Variants in LRP1B observed in about 807,000 individuals in gnomAD.
LRP1B encodes the protein low-density lipoprotein receptor-related protein 1B.
LRP1B carries 217 observed loss-of-function variants against 556.6 expected under a neutral mutation model. The ratio of observed to expected loss-of-function variants is 0.39; its 90% CI spans 0.35 to 0.44. LRP1B has a LOEUF of 0.44. Among genes scored for constraint, LRP1B ranks in the 20% least tolerant of loss-of-function variants. The pLI is 1.00. For missense variants in LRP1B, 5,053 were observed against 5,620.8 expected (o/e 0.90, Z 3.23); for synonymous variants, 2,047 against 1,865.8 (o/e 1.10, Z -2.50).
chr2:140,441,980 TAA>T (rs1686447674), intron 66 of LRP1B, among the ~76,000 whole-genome samples: 2 of 152,330 alleles, frequency 1.3e-5, no homozygotes, highest in Non-Finnish European at 2.9e-5. Flanking sequence ...AAAATTATTT[TAA>T]GTGAAAATAT....
At chr2:140,622,466 A>G (rs74852519) in intron 41 of LRP1B, among the ~76,000 whole-genome samples, 3 of 152,210 alleles carry the variant, frequency 2.0e-5, no homozygotes, top group Non-Finnish European at 4.4e-5. Flanking sequence ...TGGAGACCAG[A>G]TTGCTTCCTG....
chr2:140,271,090 TAAAC>T (rs1682438158), intron 85 of LRP1B, among the ~76,000 whole-genome samples: 1 of 151,914 alleles, frequency 6.6e-6, no homozygotes, highest in African/African-American at 2.4e-5. Flanking sequence ...ACTGTAAAAA[TAAAC>T]ATAACAATAC....
At chr2:141,055,812 G>GTA (rs1025747699) in intron 9 of LRP1B, among the ~76,000 whole-genome samples, 1 of 150,936 alleles carries the variant, frequency 6.6e-6, no homozygotes, top group Non-Finnish European at 1.5e-5. Flanking sequence ...ATGTGTGTGT[G>GTA]TGTGTGTGTG....
At chr2:140,854,003 C>T (rs557719323) in intron 27 of LRP1B, among the ~76,000 whole-genome samples, 31 of 145,130 alleles carry the variant, frequency 2.1e-4, no homozygotes, top group Non-Finnish European at 3.3e-4. Context: ...TATATCAAGT[C>T]AAGTTTACCT....
Position 140,683,842 on chromosome 2 carries a change from C to T in LRP1B, c.6799+16408G>A, listed in dbSNP as rs2105383339. ...CTTCCATGCGCTAGGCAGCAGCCGACCCCGAAACAGCTCCGCGGCCCCCTG... is the reference window on the plus strand; with the variant it reads ...CTTCCATGCGCTAGGCAGCAGCCGATCCCGAAACAGCTCCGCGGCCCCCTG... On this transcript the variant is annotated intron_variant, in intron 41 of 90. Transcript: ENST00000389484. 6.3e-6 allele frequency: 4 copies of T among 634,460 alleles called. No homozygotes were observed. The South Asian group carries it at 6.9e-5, about 11-fold the overall frequency. The allele number at this position is 634,460 out of a possible 1,614,324, so 39.3% of individuals were successfully genotyped here.
chr2:141,125,844 C>A (rs372160759), intron 7 of LRP1B, among the ~76,000 whole-genome samples: 1,463 of 101,566 alleles, frequency 0.014, no homozygotes, highest in Middle Eastern at 0.031. Flanking sequence ...CTTTCAAATG[C>A]AAAAAAAAAA....
intron 21 of LRP1B, among the ~76,000 whole-genome samples, chr2:140,909,710 G>A (rs766615596): frequency 2.7e-4 from 41 of 150,892 alleles, no homozygotes; most frequent in African/African-American, 5.1e-4. Context: ...GTCATTACAC[G>A]TTGTTAATAT....
chr2:142,025,595 C>A (rs543857970), intron 1 of LRP1B, among the ~76,000 whole-genome samples: 7 of 152,124 alleles, frequency 4.6e-5, no homozygotes, highest in African/African-American at 7.2e-5. Context: ...TTAACTCTGC[C>A]CAGAGGATCT....
chr2:141,917,332 A>C (rs961796360), intron 1 of LRP1B, among the ~76,000 whole-genome samples: 2 of 152,126 alleles, frequency 1.3e-5, no homozygotes, highest in African/African-American at 4.8e-5. Context: ...AATGCCCCCA[A>C]ACATGGATGT....
chr2:141,213,984 T>TA (rs2105259632), intron 6 of LRP1B, among the ~76,000 whole-genome samples: 2 of 152,328 alleles, frequency 1.3e-5, no homozygotes, highest in South Asian at 4.1e-4. Context: ...GTAAATACTA[T>TA]AAAAATAGTT....
intron 1 of LRP1B, among the ~76,000 whole-genome samples, chr2:142,004,110 T>A (rs1702736474): frequency 6.6e-6 from 1 of 152,102 alleles, no homozygotes; most frequent in South Asian, 2.1e-4. Context: ...TCAAATTTTG[T>A]CCCTCAGCAA....
Position 140,944,734 on chromosome 2 carries a change from C to T in LRP1B, c.3136+5501G>A, listed in dbSNP as rs1167203510. 3.9e-5 allele frequency among the ~76,000 whole-genome samples: 6 copies of T among 151,958 alleles called. No individual in the cohort carries two copies. In the East Asian group the frequency reaches 1.2e-3, roughly 29 times the overall value. On this transcript the variant is annotated intron_variant, in intron 20 of 90. Coordinates refer to ENST00000389484, the MANE Select transcript of LRP1B (RefSeq NM_018557.3). Reference sequence around the variant, plus strand: ...CATCCTTTCATGATAAAACCTTCAACATACTAAGCAACAAAGGAATATTTG... The same window carrying T: ...CATCCTTTCATGATAAAACCTTCAATATACTAAGCAACAAAGGAATATTTG...
intron 85 of LRP1B, among the ~76,000 whole-genome samples, chr2:140,273,498 T>G (rs1255347690): frequency 6.6e-6 from 1 of 152,034 alleles, no homozygotes; most frequent in Admixed American, 6.6e-5. Context: ...AATTCTAAAA[T>G]GAGAGTAAAT....
intron 32 of LRP1B, among the ~76,000 whole-genome samples, chr2:140,796,974 T>A (rs1345364779): frequency 6.6e-6 from 1 of 151,992 alleles, no homozygotes; most frequent in African/African-American, 2.4e-5. Flanking sequence ...TAGGACATTC[T>A]CACAAAAGTC....
In LRP1B at chr2:141,423,290, C is replaced by CTTTTTTTTTTTTT. The variant is rs1176569388; in HGVS notation, c.343+57093_343+57105dup. 4.4e-5 allele frequency among the ~76,000 whole-genome samples: 3 copies of CTTTTTTTTTTTTT among 68,376 alleles called. 1 individual carries two copies. The highest frequency in any genetic ancestry group is 5.9e-5 in the Non-Finnish European group (2 of 33,618). 44.9% of individuals were successfully genotyped at this position (68,376 alleles called of 152,430 possible). ...CCCTCTCACTAGGCAACAGCCAGAG[C>CTTTTTTTTTTTTT]TTTTTTTTTTTTTTTTTTTTTTTTT... On this transcript the variant is annotated intron_variant, in intron 3 of 90. Transcript: ENST00000389484.
At chr2:141,546,564 T>C (rs1302209075) in intron 2 of LRP1B, among the ~76,000 whole-genome samples, 2 of 152,172 alleles carry the variant, frequency 1.3e-5, no homozygotes, top group Admixed American at 1.3e-4. Context: ...TCAAACCAAA[T>C]TTATTCAGCC....
At position 140,749,304 on chromosome 2, in the gene LRP1B, A is replaced by G. The variant is rs531765255; in HGVS notation, c.5758+19909T>C. ...ACTTAGGCTACACTAAATTTATTAA[A>G]AAATCTTTCTTTCTTCAATAACAAA... On this transcript the variant is annotated intron_variant, in intron 35 of 90. Transcript: ENST00000389484. Among the ~76,000 whole-genome samples the G allele has an allele frequency of 2.0e-5, 3 of 152,256 alleles. No individual in the cohort carries two copies. The East Asian group carries it at 5.8e-4, about 29-fold the overall frequency.
intron 10 of LRP1B, among the ~76,000 whole-genome samples, chr2:141,051,762 G>C (rs1699042775): frequency 6.6e-6 from 1 of 151,916 alleles, no homozygotes; most frequent in Non-Finnish European, 1.5e-5. Flanking sequence ...TTGCATGTTT[G>C]AATTGCATGT....
At position 140,612,231 on chromosome 2, in the gene LRP1B, C is replaced by G. The variant is rs751277931; in HGVS notation, c.6800-10592G>C. Among the ~76,000 whole-genome samples the G allele has an allele frequency of 2.4e-4, 37 of 152,182 alleles. No homozygotes were observed. In the South Asian group the frequency reaches 3.3e-3, roughly 14 times the overall value. On this transcript the variant is annotated intron_variant, in intron 41 of 90. Coordinates refer to ENST00000389484, the MANE Select transcript of LRP1B (RefSeq NM_018557.3). ...AGATATTTTATGAGGTGTAATAATT[C>G]AGGAAAGTGTATGTTATTTTTAAAT...
Sources: gnomAD v4.1 joint callset for allele counts (sites outside exome capture counted in the v4.1 genomes callset) on GRCh38, gnomAD v4.1.1 for gene constraint, MANE v1.5 for transcripts, NCBI Gene and HGNC (gene_info 2026-07-23, HGNC 2026-07-21) for gene names.